GAB4: variants seen among roughly 807,000 people sequenced by gnomAD.
GAB4 encodes the protein GRB2-associated-binding protein 4.
A neutral mutation model predicts 51.3 loss-of-function variants in GAB4; 26 were observed. The ratio of observed to expected loss-of-function variants is 0.51; its 90% CI spans 0.37 to 0.70. GAB4 has a LOEUF of 0.70. Among genes scored for constraint, GAB4 ranks in the 30% least tolerant of loss-of-function variants. The pLI is 0.00. For synonymous variants in GAB4, 329 were observed against 291.2 expected (o/e 1.13, Z -1.32); for missense variants, 759 against 734.6 (o/e 1.03, Z -0.38).
intron 3 of GAB4, among the ~76,000 whole-genome samples, chr22:16,970,969 G>T (rs2060725942): frequency 6.6e-6 from 1 of 151,892 alleles, no homozygotes; most frequent in African/African-American, 2.4e-5. Flanking sequence ...GCCCAGACAG[G>T]CAGATGGCTT....
intron 3 of GAB4, among the ~76,000 whole-genome samples, chr22:16,972,129 G>A (rs148639929): frequency 3.1e-3 from 474 of 152,310 alleles, no homozygotes; most frequent in African/African-American, 0.01. Context: ...GTTTGCTCAC[G>A]CCCCACTTTC....
chr22:17,001,846 T>G (rs570503012), intron 1 of GAB4, among the ~76,000 whole-genome samples: 11 of 152,216 alleles, frequency 7.2e-5, no homozygotes, highest in Non-Finnish European at 1.5e-4. Context: ...GTTTACCTAC[T>G]CAAGCCTCAG....
intron 3 of GAB4, among the ~76,000 whole-genome samples, chr22:16,970,813 G>C (rs1222809273): frequency 3.3e-5 from 5 of 152,174 alleles, no homozygotes; most frequent in Non-Finnish European, 7.3e-5. Flanking sequence ...GGTGGTTAGA[G>C]AGGCAATTCG....
At chr22:17,006,115 C>A (rs2123732927) in intron 1 of GAB4, among the ~76,000 whole-genome samples, 1 of 152,274 alleles carries the variant, frequency 6.6e-6, no homozygotes, top group Non-Finnish European at 1.5e-5. Flanking sequence ...TTTTTCCAAT[C>A]TATCCATCTG....
chr22:16,991,300 A>G (rs1294222434), intron 2 of GAB4, among the ~76,000 whole-genome samples: 2 of 150,494 alleles, frequency 1.3e-5, no homozygotes, highest in Non-Finnish European at 3.0e-5. Context: ...TTTAGACCAT[A>G]TATCTGCCTC....
intron 3 of GAB4, among the ~76,000 whole-genome samples, chr22:16,982,490 T>C (rs1332238088): frequency 2.0e-5 from 3 of 152,042 alleles, no homozygotes; most frequent in Non-Finnish European, 2.9e-5. Context: ...AATGAAACTA[T>C]AAAATATTTA....
chr22:16,965,457 C>T (rs1304338246), intron 6 of GAB4, among the ~76,000 whole-genome samples, 189 bp from the exon 7 acceptor site: 1 of 152,204 alleles, frequency 6.6e-6, no homozygotes, highest in Non-Finnish European at 1.5e-5. Context: ...GAGTTCTGTT[C>T]TCAGATTCCA....
At chr22:16,998,830 T>C (rs776080268) in intron 1 of GAB4, among the ~76,000 whole-genome samples, 1 of 151,964 alleles carries the variant, frequency 6.6e-6, no homozygotes, top group Non-Finnish European at 1.5e-5. Flanking sequence ...ATCTAGTTCA[T>C]TGAGAGTTTT....
chr22:16,964,684 T>C (rs2060657078), intron 8 of GAB4, 82 bp downstream of exon 8: 6 of 975,042 alleles, frequency 6.2e-6, no homozygotes, highest in Non-Finnish European at 1.6e-6. Flanking sequence ...TCAGCTGAGG[T>C]AGCTAAGCTG....
At chr22:16,968,255 CT>C (rs1358444821) in intron 5 of GAB4, 42 bp downstream of exon 5, 1 of 1,354,196 alleles carries the variant, frequency 7.4e-7, no homozygotes, top group Non-Finnish European at 1.1e-6. Context: ...TGACCTTTAC[CT>C]CCCTGAGCCA....
At chr22:16,991,694 T>C (rs2060915152) in intron 2 of GAB4, among the ~76,000 whole-genome samples, 179 bp downstream of exon 2, 1 of 151,854 alleles carries the variant, frequency 6.6e-6, no homozygotes, top group Non-Finnish European at 1.5e-5. Flanking sequence ...GGGGGAGAGG[T>C]GGAGGACTGA....
intron 2 of GAB4, among the ~76,000 whole-genome samples, chr22:16,989,264 G>C (rs2060893663): frequency 6.6e-6 from 1 of 152,260 alleles, no homozygotes; most frequent in South Asian, 2.1e-4. Context: ...TGATCGCTAA[G>C]TGGGGTTATG....
intron 1 of GAB4, among the ~76,000 whole-genome samples, chr22:16,997,266 T>C (rs1368147982): frequency 1.3e-5 from 2 of 152,226 alleles, no homozygotes; most frequent in Non-Finnish European, 2.9e-5. Context: ...ACCAACAGTG[T>C]AAAAGCCTTC....
Position 16,962,978 on chromosome 22 carries a change from G to C in GAB4, c.1582-102C>G, listed in dbSNP as rs929180317. ...CTCTCTCAAACTTTCTCAGGGGGAA[G>C]GAACCTCTGCCTCCTGCTCTCAGCA... On this transcript the variant is annotated intron_variant, in intron 9 of 9. Transcript: ENST00000400588. The C allele has an allele frequency of 1.1e-5, 13 of 1,143,444 alleles. No homozygotes were observed. In the African/African-American group the frequency reaches 1.7e-4, roughly 15 times the overall value. 70.8% of individuals were successfully genotyped at this position (1,143,444 alleles called of 1,614,324 possible).
At chr22:16,973,350 A>T (rs2060749177) in intron 3 of GAB4, among the ~76,000 whole-genome samples, 1 of 152,218 alleles carries the variant, frequency 6.6e-6, no homozygotes, top group African/African-American at 2.4e-5. Flanking sequence ...GAACAAGCAG[A>T]TGAATGAAAA....
intron 3 of GAB4, among the ~76,000 whole-genome samples, chr22:16,972,433 C>A (rs2060739861): frequency 6.6e-6 from 1 of 152,144 alleles, no homozygotes; most frequent in African/African-American, 2.4e-5. Flanking sequence ...CACAGCCTGG[C>A]AGTTCAAGGG....
intron 3 of GAB4, among the ~76,000 whole-genome samples, chr22:16,971,310 T>C (rs1448925391): frequency 6.6e-6 from 1 of 152,214 alleles, no homozygotes; most frequent in East Asian, 1.9e-4. Flanking sequence ...CTGCCACCGA[T>C]AAGCTCTGTG....
chr22:16,980,116 T>C (rs1350608742), intron 3 of GAB4, among the ~76,000 whole-genome samples: 1 of 152,024 alleles, frequency 6.6e-6, no homozygotes, highest in South Asian at 2.1e-4. Flanking sequence ...ACTTCATGAA[T>C]AAAACACCAA....
At chr22:16,984,920 A>G (rs1274808367) in intron 3 of GAB4, among the ~76,000 whole-genome samples, 1 of 152,182 alleles carries the variant, frequency 6.6e-6, no homozygotes, top group Admixed American at 6.5e-5. Flanking sequence ...CACTGGCCCC[A>G]CTGTGCTGCT....
Sources: allele counts gnomAD v4.1 joint callset (sites outside exome capture counted in the v4.1 genomes callset), GRCh38; gene constraint gnomAD v4.1.1; transcripts MANE v1.5; gene names NCBI Gene and HGNC (gene_info 2026-07-23, HGNC 2026-07-21).